The following NAV3 variants were observed in gnomAD, a reference collection of about 807,000 sequenced individuals.
The protein encoded by NAV3 is neuron navigator 3.
Under a neutral mutation model 244.7 loss-of-function variants are expected in NAV3, and 87 were observed. The observed-to-expected ratio is 0.36, with a 90% CI of 0.30 to 0.42. The LOEUF (loss-of-function observed/expected upper bound fraction) is 0.42. Among genes scored for constraint, NAV3 ranks in the 20% least tolerant of loss-of-function variants. The pLI, the probability that NAV3 is intolerant of heterozygous loss-of-function variation, is 1.00. For synonymous variants in NAV3, 1,126 were observed against 1,042.2 expected, an observed-to-expected ratio of 1.08 and a Z score of -1.55; for missense variants, 2,663 against 2,893.3, an observed-to-expected ratio of 0.92 and a Z score of 1.83.
In NAV3 at chr12:78,128,953, C is replaced by T. The variant is rs888608357; in HGVS notation, c.4441+87C>T. On this transcript the variant is annotated intron_variant, in intron 18 of 39. Transcript: ENST00000397909. ...CCTGGAATCTCTCCATAACACAACA[C>T]GTTTTCATTTAAAGGGAGGGATAAA... 5 of 1,273,190 alleles carry T rather than the reference C, an allele frequency of 3.9e-6. No individual in the cohort carries two copies. The African/African-American group carries it at 4.5e-5, about 11-fold the overall frequency. The allele number at this position is 1,273,190 out of a possible 1,614,324, so 78.9% of individuals were successfully genotyped here.
At position 77,766,735 on chromosome 12, in the gene NAV3, G is replaced by GTTTTTTTTTTTTTT. The variant is rs748531378; in HGVS notation, c.73-173561_73-173548dup. Among the ~76,000 whole-genome samples, 24 of 60,514 alleles carry GTTTTTTTTTTTTTT rather than the reference G, an allele frequency of 4.0e-4. 3 individuals are homozygous for GTTTTTTTTTTTTTT. The highest frequency in any genetic ancestry group is 9.7e-4 in the Admixed American group (4 of 4,124). 39.7% of individuals were successfully genotyped at this position (60,514 alleles called of 152,430 possible). A position where few individuals can be genotyped will look rare whatever the true frequency, so the allele number is the denominator to read the frequency against. On this transcript the variant is annotated intron_variant, in intron 2 of 8. Coordinates refer to the NAV3 transcript ENST00000550042. ...AGGATTCTAAAAAACAGGCAATTAA[G>GTTTTTTTTTTTTTT]TTTTTTTTTTTTTTTTTTTTTTTTT...
Position 78,010,590 on chromosome 12 carries a change from C to G in NAV3, c.1907+3145C>G, listed in dbSNP as rs370911057. Among the ~76,000 whole-genome samples the G allele has an allele frequency of 2.6e-5, 4 of 152,152 alleles. No individual in the cohort carries two copies. In the East Asian group the frequency reaches 7.7e-4, roughly 29 times the overall value. On this transcript the variant is annotated intron_variant, in intron 8 of 39. Coordinates refer to ENST00000397909, the MANE Select transcript of NAV3 (RefSeq NM_001024383.2). ...GCTAGTAGAAATTTGCTTTGCTTATCAGTTCTATCTATGTGACAGAAATAA... is the reference window on the plus strand; with the variant it reads ...GCTAGTAGAAATTTGCTTTGCTTATGAGTTCTATCTATGTGACAGAAATAA...
At chr12:78,049,216 A>C (rs1389981413) in intron 9 of NAV3, among the ~76,000 whole-genome samples, 3 of 151,908 alleles carry the variant, frequency 2.0e-5, no homozygotes, top group Non-Finnish European at 4.4e-5. Flanking sequence ...CCCCCTTTCC[A>C]GGTGAGTGGA....
chr12:78,189,534 A>G (rs1958878209), intron 33 of NAV3, among the ~76,000 whole-genome samples: 1 of 150,180 alleles, frequency 6.7e-6, no homozygotes, highest in African/African-American at 2.4e-5. Context: ...GGTGAAGAGA[A>G]AGTAAAAGAA....
intron 34 of NAV3, among the ~76,000 whole-genome samples, chr12:78,196,566 C>G (rs1393940706): frequency 6.6e-6 from 1 of 151,984 alleles, no homozygotes; most frequent in African/African-American, 2.4e-5. Context: ...AGCAGTCAAT[C>G]AGCAAACTGG....
At chr12:78,165,401 T>C (rs1957738493) in intron 23 of NAV3, among the ~76,000 whole-genome samples, 1 of 151,852 alleles carries the variant, frequency 6.6e-6, no homozygotes, top group Non-Finnish European at 1.5e-5. Context: ...CATATCTTGA[T>C]GGCATATACA....
At chr12:78,195,594 C>T (rs1959165858) in intron 34 of NAV3, among the ~76,000 whole-genome samples, 1 of 151,886 alleles carries the variant, frequency 6.6e-6, no homozygotes. Flanking sequence ...GCAGGATGTG[C>T]CAGTTGGAAT....
chr12:77,792,236 T>A (rs7960440), intron 2 of NAV3, among the ~76,000 whole-genome samples: 5 of 152,200 alleles, frequency 3.3e-5, no homozygotes, highest in African/African-American at 1.2e-4. Context: ...AAGTATAAAG[T>A]TCAGTTCACA....
rs1395620702 is a variant in NAV3, at chr12:78,089,695, C to A, written c.2637-27077C>A. Reference sequence around the variant, plus strand: ...GGTATGATGAGATACTAGTTGATTCCCCTCTGCCTCCTCACCATGTGTAAG... The same window carrying A: ...GGTATGATGAGATACTAGTTGATTCACCTCTGCCTCCTCACCATGTGTAAG... On this transcript the variant is annotated intron_variant, in intron 12 of 39. Coordinates refer to ENST00000397909, the MANE Select transcript of NAV3 (RefSeq NM_001024383.2). 4.6e-5 allele frequency among the ~76,000 whole-genome samples: 7 copies of A among 152,098 alleles called. No homozygotes were observed. In the South Asian group the frequency reaches 1.5e-3, roughly 32 times the overall value.
At chr12:78,003,464 A>G (rs934217242) in intron 7 of NAV3, among the ~76,000 whole-genome samples, 3 of 152,218 alleles carry the variant, frequency 2.0e-5, no homozygotes, top group African/African-American at 7.2e-5. Context: ...TGCTTTTGTC[A>G]TCATTTTTGT....
intron 2 of NAV3, among the ~76,000 whole-genome samples, chr12:77,770,688 G>A (rs1467106150): frequency 6.6e-6 from 1 of 152,182 alleles, no homozygotes; most frequent in African/African-American, 2.4e-5. Flanking sequence ...CCATTTGGGT[G>A]CTGGGAAAAC....
At chr12:77,686,576 A>C (rs748972397) in intron 2 of NAV3, among the ~76,000 whole-genome samples, 40 of 152,156 alleles carry the variant, frequency 2.6e-4, no homozygotes, top group Non-Finnish European at 2.9e-4. Context: ...TTTAAGCCTC[A>C]ATCAATGATG....
At chr12:77,721,934 C>A (rs192567175) in intron 2 of NAV3, among the ~76,000 whole-genome samples, 12 of 152,228 alleles carry the variant, frequency 7.9e-5, no homozygotes, top group Non-Finnish European at 1.3e-4. Context: ...ACCTGGAACA[C>A]ACAATACTAC....
intron 2 of NAV3, among the ~76,000 whole-genome samples, chr12:77,650,618 TTTAG>T (rs1354744350): frequency 1.3e-5 from 2 of 152,168 alleles, no homozygotes; most frequent in African/African-American, 4.8e-5. Context: ...TGTGCTTGAC[TTTAG>T]TTATTTAGTG....
intron 2 of NAV3, among the ~76,000 whole-genome samples, chr12:77,755,594 C>T (rs1869114459): frequency 3.0e-5 from 1 of 33,550 alleles, no homozygotes; most frequent in Non-Finnish European, 5.0e-5. Context: ...TCCCTCCCTC[C>T]CTCCCTCCCT....
chr12:77,592,154 C>T lies in NAV3; in HGVS notation c.72+19888C>T, dbSNP rs114437524. Among the ~76,000 whole-genome samples, 509 of 152,250 alleles carry T rather than the reference C, an allele frequency of 3.3e-3. 3 individuals carry two copies. Among genetic ancestry groups the T allele is most frequent in the African/African-American group, 0.012 (487 of 41,550 alleles). On this transcript the variant is annotated intron_variant, in intron 2 of 8. Coordinates refer to the NAV3 transcript ENST00000550042. ...TCCAGATCAGAGAATTGAAGGCCAG[C>T]TGCTGCCTGTCATTAGGAAGCTTAG... is the stretch of plus-strand genomic sequence containing the variant.
At chr12:77,698,496 G>T (rs1253372369) in intron 2 of NAV3, among the ~76,000 whole-genome samples, 1 of 152,080 alleles carries the variant, frequency 6.6e-6, no homozygotes, top group East Asian at 1.9e-4. Flanking sequence ...TTGGCTATAG[G>T]GGTCCAGTGG....
At chr12:77,966,517 C>G (rs1179641476) in intron 4 of NAV3, among the ~76,000 whole-genome samples, 2 of 151,972 alleles carry the variant, frequency 1.3e-5, no homozygotes, top group Non-Finnish European at 2.9e-5. Context: ...CTGTTCTTTT[C>G]TTAACCAACT....
At chr12:77,644,542 C>T (rs1223565630) in intron 2 of NAV3, among the ~76,000 whole-genome samples, 3 of 152,008 alleles carry the variant, frequency 2.0e-5, no homozygotes, top group African/African-American at 7.2e-5. Flanking sequence ...TATGTACATA[C>T]ACAGCCTAAA....
Sources: allele counts gnomAD v4.1 joint callset (sites outside exome capture counted in the v4.1 genomes callset), GRCh38; gene constraint gnomAD v4.1.1; transcripts MANE v1.5; gene names NCBI Gene and HGNC (gene_info 2026-07-23, HGNC 2026-07-21).